Variants in AGBL4 observed in about 807,000 individuals in gnomAD.
The protein encoded by AGBL4 is cytosolic carboxypeptidase 6.
AGBL4 carries 58 observed loss-of-function variants against 66.4 expected under a neutral mutation model. The ratio of observed to expected loss-of-function variants is 0.87; its 90% CI spans 0.71 to 1.09. The LOEUF is 1.09. AGBL4 is among the 50% of genes least tolerant of loss of function. The pLI, the probability that AGBL4 is intolerant of heterozygous loss-of-function variation, is 0.00. For missense variants in AGBL4, 579 were observed against 631.0 expected (o/e 0.92, Z 0.88); for synonymous variants, 234 against 222.9 (o/e 1.05, Z -0.44).
intron 6 of AGBL4, among the ~76,000 whole-genome samples, chr1:48,788,714 CTG>C: frequency 6.6e-6 from 1 of 152,148 alleles, no homozygotes; most frequent in African/African-American, 2.4e-5. Context: ...GGGACACTAA[CTG>C]TGAAAATGTA....
At chr1:49,473,967 T>C (rs1319023810) in intron 3 of AGBL4, among the ~76,000 whole-genome samples, 1 of 152,082 alleles carries the variant, frequency 6.6e-6, no homozygotes, top group Non-Finnish European at 1.5e-5. Flanking sequence ...TTCAGAGGTC[T>C]CTATTCAGTT....
intron 3 of AGBL4, among the ~76,000 whole-genome samples, chr1:49,336,048 C>T (rs1202659435): frequency 6.6e-6 from 1 of 152,008 alleles, no homozygotes; most frequent in Admixed American, 6.6e-5. Flanking sequence ...GGAATTGGCT[C>T]ACACATTTAT....
chr1:49,952,792 G>A (rs555523068), intron 1 of AGBL4, among the ~76,000 whole-genome samples: 1 of 151,954 alleles, frequency 6.6e-6, no homozygotes, highest in African/African-American at 2.4e-5. Flanking sequence ...GATACAGGTG[G>A]GATGGTAAAG....
chr1:48,564,281 C>A (rs1644440920), intron 11 of AGBL4, among the ~76,000 whole-genome samples: 1 of 152,168 alleles, frequency 6.6e-6, no homozygotes, highest in Non-Finnish European at 1.5e-5. Flanking sequence ...CCCTTTCTGA[C>A]TTAAACCTTT....
intron 3 of AGBL4, among the ~76,000 whole-genome samples, chr1:49,299,154 G>C (rs1644698531): frequency 6.6e-6 from 1 of 151,982 alleles, no homozygotes; most frequent in Non-Finnish European, 1.5e-5. Context: ...TGAAAAAAAA[G>C]GCTAGAATTG....
At chr1:49,232,539 A>G (rs1650397609) in intron 4 of AGBL4, among the ~76,000 whole-genome samples, 1 of 152,054 alleles carries the variant, frequency 6.6e-6, no homozygotes, top group Non-Finnish European at 1.5e-5. Context: ...TCTACTAAAA[A>G]TACAAAAAAA....
intron 3 of AGBL4, among the ~76,000 whole-genome samples, chr1:49,559,316 A>G (rs1267789250): frequency 6.6e-6 from 1 of 152,146 alleles, no homozygotes; most frequent in Non-Finnish European, 1.5e-5. Flanking sequence ...CTTGTACAAG[A>G]CTATCAAGGC....
intron 5 of AGBL4, among the ~76,000 whole-genome samples, chr1:48,987,330 G>T (rs948329172): frequency 6.6e-6 from 1 of 151,716 alleles, no homozygotes. Flanking sequence ...AATGGAAAAG[G>T]TATACCATAT....
chr1:49,976,562 C>G (rs1238670657), intron 1 of AGBL4, among the ~76,000 whole-genome samples: 1 of 152,128 alleles, frequency 6.6e-6, no homozygotes, highest in East Asian at 1.9e-4. Context: ...AACCCTGAGC[C>G]ATTTTCTGAT....
intron 3 of AGBL4, among the ~76,000 whole-genome samples, chr1:49,439,494 T>C (rs1645976992): frequency 6.6e-6 from 1 of 152,192 alleles, no homozygotes; most frequent in African/African-American, 2.4e-5. Flanking sequence ...TTACCCTGTG[T>C]AGAGGATAGG....
chr1:49,567,805 G>A (rs891027526), intron 3 of AGBL4, among the ~76,000 whole-genome samples: 13 of 152,108 alleles, frequency 8.5e-5, no homozygotes, highest in African/African-American at 3.1e-4. Flanking sequence ...GCAAGGTTTG[G>A]TTCAACATAT....
intron 6 of AGBL4, among the ~76,000 whole-genome samples, chr1:48,671,951 GT>G (rs1254384242): frequency 1.3e-5 from 2 of 152,176 alleles, no homozygotes; most frequent in Non-Finnish European, 2.9e-5. Context: ...TCCTCACCAG[GT>G]TTAGTTTCAG....
At chr1:49,941,810 C>T (rs1055036620) in intron 1 of AGBL4, among the ~76,000 whole-genome samples, 1 of 151,970 alleles carries the variant, frequency 6.6e-6, no homozygotes, top group African/African-American at 2.4e-5. Context: ...AGCTTTTCCT[C>T]CAAGGTCAGG....
chr1:48,976,026 A>T (rs1015386853), intron 5 of AGBL4, among the ~76,000 whole-genome samples: 3 of 152,176 alleles, frequency 2.0e-5, no homozygotes, highest in Admixed American at 1.3e-4. Flanking sequence ...ATGTCTTCTT[A>T]TTAATAGCCT....
chr1:48,973,016 A>G (rs1379826628), intron 5 of AGBL4, among the ~76,000 whole-genome samples: 1 of 152,066 alleles, frequency 6.6e-6, no homozygotes, highest in African/African-American at 2.4e-5. Context: ...TGAGCACCTA[A>G]TTCTATCTCT....
chr1:49,544,616 T>A (rs1652332711), intron 3 of AGBL4, among the ~76,000 whole-genome samples: 1 of 152,194 alleles, frequency 6.6e-6, no homozygotes, highest in Non-Finnish European at 1.5e-5. Flanking sequence ...CTGCTACCAT[T>A]TTAAGGTACT....
intron 5 of AGBL4, among the ~76,000 whole-genome samples, chr1:48,941,538 A>G (rs1200307049): frequency 2.6e-5 from 4 of 152,222 alleles, no homozygotes; most frequent in African/African-American, 4.8e-5. Flanking sequence ...AGTGGCCAGT[A>G]GTAACCACAA....
intron 3 of AGBL4, among the ~76,000 whole-genome samples, chr1:49,398,814 A>G (rs1177343305): frequency 1.3e-5 from 2 of 152,128 alleles, no homozygotes; most frequent in African/African-American, 4.8e-5. Flanking sequence ...GGTGTCCATC[A>G]TCTCAAGCAC....
At chr1:49,601,156 T>C (rs1571147390) in intron 3 of AGBL4, among the ~76,000 whole-genome samples, 1 of 152,206 alleles carries the variant, frequency 6.6e-6, no homozygotes, top group East Asian at 1.9e-4. Flanking sequence ...CTGTATTTCC[T>C]GAATTTGAAT....
Sources: allele counts gnomAD v4.1 joint callset (sites outside exome capture counted in the v4.1 genomes callset), GRCh38; gene constraint gnomAD v4.1.1; transcripts MANE v1.5; gene names NCBI Gene and HGNC (gene_info 2026-07-23, HGNC 2026-07-21).